The following LDLRAD4 variants were observed in gnomAD, a reference collection of about 807,000 sequenced individuals.
LDLRAD4 encodes the protein low density lipoprotein receptor class A domain containing 4.
Under a neutral mutation model 17.0 loss-of-function variants are expected in LDLRAD4, and 5 were observed. That is an observed-to-expected ratio of 0.29 (90% CI 0.15 to 0.62). LDLRAD4 has a LOEUF of 0.62. Ranked by LOEUF, LDLRAD4 falls within the 20% of genes least tolerant of loss-of-function variation. LDLRAD4 has a pLI of 0.84. For synonymous variants in LDLRAD4, 168 were observed against 171.8 expected, an observed-to-expected ratio of 0.98 and a Z score of 0.17; for missense variants, 340 against 424.7, an observed-to-expected ratio of 0.80 and a Z score of 1.75.
intron 3 of LDLRAD4, among the ~76,000 whole-genome samples, chr18:13,477,134 C>A (rs919899185): frequency 2.6e-5 from 4 of 152,130 alleles, no homozygotes; most frequent in African/African-American, 9.7e-5. Context: ...ACAAGGAATA[C>A]CAGGAGGATT....
chr18:13,444,470 G>A (rs2091251237), intron 3 of LDLRAD4, among the ~76,000 whole-genome samples: 1 of 152,208 alleles, frequency 6.6e-6, no homozygotes, highest in African/African-American at 2.4e-5. Flanking sequence ...GACTTCTTAT[G>A]TTATAGGTAA....
chr18:13,339,165 T>G (rs1196198309), intron 1 of LDLRAD4, among the ~76,000 whole-genome samples: 1 of 152,108 alleles, frequency 6.6e-6, no homozygotes, highest in African/African-American at 2.4e-5. Context: ...TGTTATATAG[T>G]GAGCACATAA....
At position 13,225,831 on chromosome 18, in the gene LDLRAD4, A is replaced by G. The variant is rs571428982; in HGVS notation, c.-467+6843A>G. ...GGAAGCTTAGCATTCTTTCATGAAT[A>G]TTTTTCATGTGATTTAAATATTCTC... On this transcript the variant is annotated intron_variant, in intron 1 of 5. Transcript: ENST00000399848. Among the ~76,000 whole-genome samples, 107 of 152,172 alleles carry G rather than the reference A, an allele frequency of 7.0e-4. 1 individual carries two copies. Among genetic ancestry groups the G allele is most frequent in the South Asian group, 2.7e-3 (13 of 4,826 alleles).
chr18:13,363,193 G>A (rs1017854655), intron 1 of LDLRAD4, among the ~76,000 whole-genome samples: 64 of 152,208 alleles, frequency 4.2e-4, no homozygotes, highest in Middle Eastern at 3.4e-3. Flanking sequence ...TTAGCCAGGC[G>A]TGGTGGTGGG....
chr18:13,425,619 C>T (rs959220452), intron 2 of LDLRAD4, among the ~76,000 whole-genome samples: 1 of 152,214 alleles, frequency 6.6e-6, no homozygotes, highest in African/African-American at 2.4e-5. Flanking sequence ...CATCCCTTCT[C>T]TCTTTAATGA....
chr18:13,434,722 G>A (rs547447206), intron 2 of LDLRAD4, among the ~76,000 whole-genome samples: 3 of 152,176 alleles, frequency 2.0e-5, no homozygotes, highest in Non-Finnish European at 2.9e-5. Flanking sequence ...TAGCGACTGG[G>A]CCCTGTAGTC....
At chr18:13,627,036 G>A (rs999461181) in intron 4 of LDLRAD4, among the ~76,000 whole-genome samples, 19 of 152,218 alleles carry the variant, frequency 1.2e-4, no homozygotes, top group Non-Finnish European at 2.4e-4. Context: ...TTGGGAGGCC[G>A]AGGTGGGCAG....
At chr18:13,634,829 A>T (rs2041950533) in intron 4 of LDLRAD4, among the ~76,000 whole-genome samples, 1 of 152,098 alleles carries the variant, frequency 6.6e-6, no homozygotes, top group East Asian at 1.9e-4. Flanking sequence ...TGATTTCAAG[A>T]CTTACTACAA....
chr18:13,217,787 G>C (rs1474310773), upstream of LDLRAD4: 1 of 151,370 alleles, frequency 6.6e-6, no homozygotes, highest in African/African-American at 2.4e-5. The surrounding 1 kb of genome is among the most constrained non-coding windows in gnomAD (Gnocchi z 4.9). Flanking sequence ...GAGTGCGTTG[G>C]CCCTGCCCGC....
chr18:13,520,026 T>C (rs1207471872), intron 3 of LDLRAD4: 1 of 152,194 alleles, frequency 6.6e-6, no homozygotes, highest in Non-Finnish European at 1.5e-5. Context: ...TGAATACACA[T>C]GAAAAAGAGG....
At chr18:13,356,536 T>C (rs1282093875) in intron 1 of LDLRAD4, among the ~76,000 whole-genome samples, 1 of 152,256 alleles carries the variant, frequency 6.6e-6, no homozygotes, top group Non-Finnish European at 1.5e-5. Context: ...TTTTCCCATC[T>C]AATTAAAAGT....
chr18:13,626,493 G>A (rs916170867), intron 4 of LDLRAD4, among the ~76,000 whole-genome samples: 2 of 152,164 alleles, frequency 1.3e-5, no homozygotes, highest in African/African-American at 4.8e-5. Context: ...GGCCATCAGC[G>A]GATGGAGGGA....
intron 3 of LDLRAD4, among the ~76,000 whole-genome samples, chr18:13,492,443 C>T (rs9966571): frequency 1.3e-4 from 20 of 152,292 alleles, no homozygotes; most frequent in Non-Finnish European, 2.2e-4. Context: ...TCCCTTCCCC[C>T]CCGGGTCTGA....
At chr18:13,283,270 C>G (rs1252283537) in intron 1 of LDLRAD4, among the ~76,000 whole-genome samples, 1 of 152,218 alleles carries the variant, frequency 6.6e-6, no homozygotes, top group African/African-American at 2.4e-5. Flanking sequence ...AATTTCTCCT[C>G]AGAAAATGGG....
chr18:13,221,757 C>G (rs1041389019), intron 1 of LDLRAD4, among the ~76,000 whole-genome samples: 8 of 152,204 alleles, frequency 5.3e-5, no homozygotes, highest in Non-Finnish European at 1.2e-4. Context: ...TGAGTTCTCA[C>G]TAAAAATGGT....
chr18:13,508,500 G>A lies in LDLRAD4; in HGVS notation c.181+70116G>A, dbSNP rs562701997. Among the ~76,000 whole-genome samples, 248 of 152,314 alleles carry A rather than the reference G, an allele frequency of 1.6e-3. 1 individual carries two copies. In the Middle Eastern group the frequency reaches 0.02, roughly 13 times the overall value. ...GGACAGGCTAAATTTCTCACTAGGG[G>A]CTAATGCAGCTGGAGACTTTAAATT... On this transcript the variant is annotated intron_variant, in intron 3 of 5. Transcript: ENST00000359446.
chr18:13,504,280 G>A (rs2093657239), intron 3 of LDLRAD4, among the ~76,000 whole-genome samples: 1 of 152,200 alleles, frequency 6.6e-6, no homozygotes, highest in Non-Finnish European at 1.5e-5. Flanking sequence ...GGTTGCTCCG[G>A]TTCACAGGTG....
intron 2 of LDLRAD4, among the ~76,000 whole-genome samples, chr18:13,406,397 G>A (rs1185610398): frequency 2.0e-5 from 3 of 152,212 alleles, no homozygotes; most frequent in Non-Finnish European, 4.4e-5. Context: ...ATGTCAGGAA[G>A]TGACATGTGC....
chr18:13,611,399 C>T lies in LDLRAD4; in HGVS notation c.182-9718C>T, dbSNP rs1018621945. The T allele has an allele frequency of 3.1e-6, 3 of 954,778 alleles. No homozygotes were observed. The African/African-American group carries it at 5.3e-5, about 17-fold the overall frequency. 59.1% of individuals were successfully genotyped at this position (954,778 alleles called of 1,614,324 possible). On this transcript the variant is annotated intron_variant, in intron 3 of 5. Coordinates refer to ENST00000359446, the Ensembl canonical transcript of LDLRAD4. ...TACCATGGCAGGCTGCCCTTTCCAC[C>T]ACGGCCACCCCGTGATTTTCTCTGA...
Sources: gnomAD v4.1 joint callset for allele counts (sites outside exome capture counted in the v4.1 genomes callset) on GRCh38, gnomAD v4.1.1 for gene constraint, Gnocchi (gnomAD v3.1) non-coding constraint, MANE v1.5 for transcripts, NCBI Gene and HGNC (gene_info 2026-07-23, HGNC 2026-07-21) for gene names.